Variants in AKR1C8 observed in about 807,000 individuals in gnomAD.
AKR1C8 encodes aldo-keto reductase family 1 member C8, also known as aldo-keto reductase family 1 member C-like protein 1.
the AKR1C8 span, among the ~76,000 whole-genome samples, chr10:5,175,582 A>C: frequency 1.3e-5 from 2 of 152,340 alleles, no homozygotes; most frequent in East Asian, 3.9e-4. Flanking sequence ...ACTAGTTGAC[A>C]GTCCCACCAA....
At chr10:5,137,820 T>TGCCTGC in the AKR1C8 span, among the ~76,000 whole-genome samples, 1 of 152,264 alleles carries the variant, frequency 6.6e-6, no homozygotes, top group Middle Eastern at 3.4e-3. Flanking sequence ...AGGACCGTGA[T>TGCCTGC]GCCTGCCTGA....
At chr10:5,128,284 C>T in the AKR1C8 span, among the ~76,000 whole-genome samples, 1 of 152,108 alleles carries the variant, frequency 6.6e-6, no homozygotes, top group Non-Finnish European at 1.5e-5. Flanking sequence ...ATAAGGAGTT[C>T]TAAATCTTCA....
the AKR1C8 span, among the ~76,000 whole-genome samples, chr10:5,144,600 A>G: frequency 1.3e-5 from 2 of 151,724 alleles, no homozygotes; most frequent in African/African-American, 4.8e-5. Context: ...ATCCCTTGTA[A>G]GTTGGATTCC....
chr10:5,167,315 C>T, the AKR1C8 span, among the ~76,000 whole-genome samples: 1 of 152,148 alleles, frequency 6.6e-6, no homozygotes. Context: ...AATCATGCTG[C>T]TATAAAGACA....
chr10:5,167,576 T>G, the AKR1C8 span, among the ~76,000 whole-genome samples: 7 of 152,096 alleles, frequency 4.6e-5, no homozygotes, highest in Admixed American at 4.6e-4. Context: ...TAGGTGGGAA[T>G]TGAACAATGA....
At chr10:5,169,460 A>G in the AKR1C8 span, among the ~76,000 whole-genome samples, 1 of 152,126 alleles carries the variant, frequency 6.6e-6, no homozygotes, top group Non-Finnish European at 1.5e-5. Context: ...TTTTTGGAAA[A>G]GATTAATTAA....
At chr10:5,116,241 G>A in the AKR1C8 span, among the ~76,000 whole-genome samples, 22 of 152,146 alleles carry the variant, frequency 1.4e-4, no homozygotes, top group Non-Finnish European at 2.6e-4. Context: ...TTCTTACCCT[G>A]TTGACTTAAA....
the AKR1C8 span, among the ~76,000 whole-genome samples, chr10:5,167,688 G>A: frequency 3.7e-4 from 57 of 152,170 alleles, no homozygotes; most frequent in African/African-American, 1.4e-3. Context: ...TAAATGACTA[G>A]TTACTGGATG....
chr10:5,116,813 G>A, the AKR1C8 span, among the ~76,000 whole-genome samples: 15 of 152,166 alleles, frequency 9.9e-5, no homozygotes, highest in African/African-American at 1.9e-4. Context: ...TGGCCCCTGC[G>A]TATCATGCAG....
the AKR1C8 span, among the ~76,000 whole-genome samples, chr10:5,173,578 T>C: frequency 8.7e-4 from 132 of 151,334 alleles, 1 homozygote; most frequent in Non-Finnish European, 1.2e-3. Flanking sequence ...TACAAACTTA[T>C]ACAGCCAAAA....
At chr10:5,151,459 G>A in the AKR1C8 span, among the ~76,000 whole-genome samples, 1 of 152,038 alleles carries the variant, frequency 6.6e-6, no homozygotes, top group Non-Finnish European at 1.5e-5. Context: ...AGAGCTTGGA[G>A]GTTAGAAGCA....
At chr10:5,174,611 T>A in the AKR1C8 span, among the ~76,000 whole-genome samples, 1 of 152,056 alleles carries the variant, frequency 6.6e-6, no homozygotes, top group East Asian at 1.9e-4. Flanking sequence ...ACTCAGACTT[T>A]ATGCCTAACA....
At chr10:5,133,139 G>A in the AKR1C8 span, among the ~76,000 whole-genome samples, 1 of 152,114 alleles carries the variant, frequency 6.6e-6, no homozygotes, top group Non-Finnish European at 1.5e-5. Context: ...CTAGAGTACA[G>A]TGGCACAATC....
At chr10:5,177,028 G>A in the AKR1C8 span, among the ~76,000 whole-genome samples, 1 of 151,896 alleles carries the variant, frequency 6.6e-6, no homozygotes, top group African/African-American at 2.4e-5. Flanking sequence ...AATAGGAGTG[G>A]TAAGAGAGGG....
chr10:5,132,116 G>T, the AKR1C8 span, among the ~76,000 whole-genome samples: 2 of 152,100 alleles, frequency 1.3e-5, no homozygotes, highest in African/African-American at 4.8e-5. Context: ...TTATAAGTGG[G>T]AACTAAGCTA....
At chr10:5,134,822 A>G in the AKR1C8 span, among the ~76,000 whole-genome samples, 1 of 152,224 alleles carries the variant, frequency 6.6e-6, no homozygotes, top group South Asian at 2.1e-4. Flanking sequence ...ACTGCAGTCA[A>G]TCACCTACAA....
chr10:5,142,840 G>A, the AKR1C8 span, among the ~76,000 whole-genome samples: 2 of 152,068 alleles, frequency 1.3e-5, no homozygotes, highest in Non-Finnish European at 2.9e-5. Context: ...AAAACACAGA[G>A]TGAACATGTG....
the AKR1C8 span, among the ~76,000 whole-genome samples, chr10:5,133,779 T>C: frequency 6.6e-6 from 1 of 152,176 alleles, no homozygotes; most frequent in South Asian, 2.1e-4. Context: ...CAGGTACATC[T>C]ACGGGTGGCA....
chr10:5,176,745 G>A, the AKR1C8 span, among the ~76,000 whole-genome samples: 31,194 of 152,000 alleles, frequency 0.21, 3,998 homozygotes, highest in East Asian at 0.63. Context: ...AAGCAATCGT[G>A]AATGGGAGTT....
Sources: allele counts gnomAD v4.1 joint callset (sites outside exome capture counted in the v4.1 genomes callset), GRCh38; gene constraint gnomAD v4.1.1; transcripts MANE v1.5; gene names NCBI Gene and HGNC (gene_info 2026-07-23, HGNC 2026-07-21).